The following DOK5 variants were observed in gnomAD, a reference collection of about 807,000 sequenced individuals.
The protein encoded by DOK5 is docking protein 5.
A neutral mutation model predicts 43.3 loss-of-function variants in DOK5; 27 were observed. The ratio of observed to expected loss-of-function variants is 0.62; its 90% confidence interval spans 0.46 to 0.86. DOK5 has a LOEUF of 0.86. Among genes scored for constraint, DOK5 ranks in the 40% least tolerant of loss-of-function variants. The pLI is 0.00. For synonymous variants in DOK5, 146 were observed against 140.1 expected, an observed-to-expected ratio of 1.04 and a Z score of -0.30; for missense variants, 373 against 392.9, an observed-to-expected ratio of 0.95 and a Z score of 0.43.
intron 7 of DOK5, among the ~76,000 whole-genome samples, chr20:54,643,831 T>A (rs923480159): frequency 2.0e-5 from 3 of 152,138 alleles, no homozygotes; most frequent in African/African-American, 7.2e-5. Context: ...TTGGGTTTCA[T>A]CCCCAGAGAC....
At chr20:54,545,706 T>C (rs527418157) in intron 1 of DOK5, among the ~76,000 whole-genome samples, 7 of 152,354 alleles carry the variant, frequency 4.6e-5, no homozygotes, top group Middle Eastern at 3.4e-3. Context: ...TATGGAGTTC[T>C]TTTCAAAGCA....
At chr20:54,551,201 C>T (rs373352420) in intron 1 of DOK5, among the ~76,000 whole-genome samples, 28 of 152,162 alleles carry the variant, frequency 1.8e-4, no homozygotes, top group East Asian at 1.2e-3. Flanking sequence ...GCACCCTCTC[C>T]GGTGAGATGT....
intron 1 of DOK5, among the ~76,000 whole-genome samples, chr20:54,523,284 G>A (rs1054554936): frequency 4.6e-5 from 7 of 151,984 alleles, no homozygotes; most frequent in African/African-American, 1.7e-4. Context: ...TTTATTTTTT[G>A]GGCTGGGCAT....
intron 1 of DOK5, among the ~76,000 whole-genome samples, chr20:54,535,896 T>C (rs920318320): frequency 6.6e-6 from 1 of 152,238 alleles, no homozygotes; most frequent in African/African-American, 2.4e-5. Flanking sequence ...TTAAGGCATG[T>C]TTGGAAATGT....
intron 1 of DOK5, among the ~76,000 whole-genome samples, chr20:54,505,905 G>A (rs991548564): frequency 3.3e-5 from 5 of 152,168 alleles, no homozygotes; most frequent in African/African-American, 1.2e-4. Context: ...ACCTGAAGAT[G>A]CTTTCAGTGA....
intron 6 of DOK5, among the ~76,000 whole-genome samples, chr20:54,631,400 G>C (rs982342274): frequency 2.0e-5 from 3 of 150,568 alleles, no homozygotes; most frequent in Non-Finnish European, 3.0e-5. Context: ...GGGCAACAAA[G>C]TGAGACCCTG....
At chr20:54,582,701 C>T (rs1985679803) in intron 2 of DOK5, among the ~76,000 whole-genome samples, 1 of 151,730 alleles carries the variant, frequency 6.6e-6, no homozygotes, top group Non-Finnish European at 1.5e-5. Flanking sequence ...ATGGTAGTCT[C>T]ATAATCCTTT....
intron 1 of DOK5, among the ~76,000 whole-genome samples, chr20:54,529,553 A>C (rs200152730): frequency 2.6e-5 from 4 of 151,300 alleles, no homozygotes; most frequent in East Asian, 3.9e-4. Context: ...AAAAAAAAAA[A>C]CAGCATTATT....
intron 6 of DOK5, among the ~76,000 whole-genome samples, chr20:54,639,374 A>G (rs2146826078): frequency 6.6e-6 from 1 of 152,336 alleles, no homozygotes; most frequent in East Asian, 1.9e-4. Context: ...CATTTTTTAT[A>G]ACCCCAAATC....
intron 1 of DOK5, among the ~76,000 whole-genome samples, chr20:54,516,581 T>A (rs1300398855): frequency 6.6e-6 from 1 of 152,184 alleles, no homozygotes; most frequent in Admixed American, 6.5e-5. Context: ...CTGTGCTAAG[T>A]GCTCATGCTC....
At chr20:54,491,620 G>C (rs1429233940) in intron 1 of DOK5, among the ~76,000 whole-genome samples, 2 of 152,130 alleles carry the variant, frequency 1.3e-5, no homozygotes, top group African/African-American at 4.8e-5. Flanking sequence ...GCGGAAGATG[G>C]AGACGGAAAT....
At chr20:54,588,009 C>A (rs1702371643) in intron 2 of DOK5, among the ~76,000 whole-genome samples, 2 of 152,130 alleles carry the variant, frequency 1.3e-5, no homozygotes, top group Admixed American at 6.5e-5. Context: ...AATTGGACCA[C>A]TCTTCCTTCC....
chr20:54,477,916 A>G (rs770524036), intron 1 of DOK5, among the ~76,000 whole-genome samples: 2 of 152,252 alleles, frequency 1.3e-5, no homozygotes, highest in African/African-American at 4.8e-5. Context: ...TTGACACAAC[A>G]TAGCCCTATG....
rs77789391 is a variant in DOK5 at position 54,622,492 on chromosome 20, C to T, written c.735+11969C>T. Among the ~76,000 whole-genome samples the T allele has an allele frequency of 4.4e-3, 666 of 152,328 alleles. 3 individuals carry two copies. Among genetic ancestry groups the T allele is most frequent in the African/African-American group, 0.015 (638 of 41,590 alleles). ...TTATTAAATGCTGCCTTAGCTTACA[C>T]AGCTCCTCCCTGGAGCTGGGAGCTC... On this transcript the variant is annotated intron_variant, in intron 6 of 7. Coordinates refer to ENST00000262593, the MANE Select transcript of DOK5 (RefSeq NM_018431.5).
chr20:54,565,365 A>G (rs1429535898), intron 2 of DOK5, among the ~76,000 whole-genome samples: 1 of 152,212 alleles, frequency 6.6e-6, no homozygotes, highest in African/African-American at 2.4e-5. Context: ...TACTATACTC[A>G]CCTATTTTCA....
intron 6 of DOK5, among the ~76,000 whole-genome samples, chr20:54,632,397 T>A (rs1419120210): frequency 6.6e-6 from 1 of 152,226 alleles, no homozygotes; most frequent in Non-Finnish European, 1.5e-5. Context: ...TATGAATGCT[T>A]CTATTATGAC....
chr20:54,641,116 A>G (rs1171851077), intron 6 of DOK5, among the ~76,000 whole-genome samples: 1 of 152,230 alleles, frequency 6.6e-6, no homozygotes, highest in African/African-American at 2.4e-5. Context: ...AACAAGAAAC[A>G]GCTGCAGAAC....
At chr20:54,534,746 C>A (rs945236180) in intron 1 of DOK5, among the ~76,000 whole-genome samples, 1 of 152,196 alleles carries the variant, frequency 6.6e-6, no homozygotes, top group African/African-American at 2.4e-5. Flanking sequence ...ATCCTTAAAA[C>A]AAACAACAAA....
At chr20:54,568,981 C>A (rs951818687) in intron 2 of DOK5, among the ~76,000 whole-genome samples, 1 of 57,242 alleles carries the variant, frequency 1.7e-5, no homozygotes, top group African/African-American at 6.2e-5. Flanking sequence ...TGGACTAAAA[C>A]GCAAAAAAAA....
Sources: gnomAD v4.1 joint callset for allele counts (sites outside exome capture counted in the v4.1 genomes callset) on GRCh38, gnomAD v4.1.1 for gene constraint, MANE v1.5 for transcripts, NCBI Gene and HGNC (gene_info 2026-07-23, HGNC 2026-07-21) for gene names.